PXDNL: variants seen among roughly 807,000 people sequenced by gnomAD.
PXDNL encodes probable oxidoreductase PXDNL.
In PXDNL, 145 loss-of-function variants were observed where a neutral mutation model predicts 150.8. That is an observed-to-expected ratio of 0.96 (90% confidence interval 0.84 to 1.10). PXDNL has a LOEUF of 1.10. PXDNL is among the 50% of genes least tolerant of loss of function. The pLI, the probability that PXDNL is intolerant of heterozygous loss-of-function variation, is 0.00. For missense variants in PXDNL, 2,087 were observed against 1,873.9 expected, an observed-to-expected ratio of 1.11 and a Z score of -2.10; for synonymous variants, 757 against 725.7, an observed-to-expected ratio of 1.04 and a Z score of -0.69.
chr8:51,584,896 T>A (rs535437331), intron 3 of PXDNL, among the ~76,000 whole-genome samples: 1 of 152,092 alleles, frequency 6.6e-6, no homozygotes, highest in African/African-American at 2.4e-5. Flanking sequence ...AGGGAAAGAT[T>A]TGGACAAAGA....
chr8:51,556,017 A>G (rs973752881), intron 4 of PXDNL, among the ~76,000 whole-genome samples: 1 of 152,158 alleles, frequency 6.6e-6, no homozygotes. Context: ...CATGACTATA[A>G]TCTCAGCACT....
chr8:51,414,170 G>A (rs1808730052), intron 14 of PXDNL, among the ~76,000 whole-genome samples: 1 of 151,496 alleles, frequency 6.6e-6, no homozygotes, highest in Non-Finnish European at 1.5e-5. Context: ...ACTAATATAA[G>A]CTTAAGTCAA....
chr8:51,592,584 C>A, intron 3 of PXDNL, 43 bp downstream of exon 3: 1 of 1,296,486 alleles, frequency 7.7e-7, no homozygotes, highest in South Asian at 1.4e-5. Flanking sequence ...CAAAAATAGT[C>A]AAACAACACC....
At chr8:51,376,844 G>A (rs539356433) in intron 17 of PXDNL, among the ~76,000 whole-genome samples, 5 of 151,108 alleles carry the variant, frequency 3.3e-5, no homozygotes, top group Non-Finnish European at 7.4e-5. Context: ...TCAGCCTCCC[G>A]AGTAGCTGGG....
chr8:51,733,811 TAA>T (rs1491232159), intron 1 of PXDNL, among the ~76,000 whole-genome samples: 2 of 52,892 alleles, frequency 3.8e-5, no homozygotes, highest in East Asian at 8.9e-4. Context: ...CTGTCTCAAA[TAA>T]TATATATATA....
chr8:51,586,721 G>C (rs1453037418), intron 3 of PXDNL, among the ~76,000 whole-genome samples: 5 of 152,170 alleles, frequency 3.3e-5, no homozygotes, highest in Admixed American at 1.3e-4. Flanking sequence ...AAATGCCAAT[G>C]CTAAGGATAC....
intron 6 of PXDNL, among the ~76,000 whole-genome samples, chr8:51,477,548 C>T (rs1438924101): frequency 2.0e-5 from 3 of 152,202 alleles, no homozygotes; most frequent in Admixed American, 2.0e-4. Context: ...TCTAGTTCAA[C>T]AGTATTGTGT....
At chr8:51,386,237 C>T (rs1212673889) in intron 17 of PXDNL, among the ~76,000 whole-genome samples, 1 of 151,988 alleles carries the variant, frequency 6.6e-6, no homozygotes, top group African/African-American at 2.4e-5. Context: ...GGACTACAGG[C>T]ACGTGCCACC....
chr8:51,423,363 T>A (rs912037942), intron 14 of PXDNL, among the ~76,000 whole-genome samples: 10 of 152,210 alleles, frequency 6.6e-5, no homozygotes, highest in Admixed American at 2.0e-4. Flanking sequence ...GTTCTTTTTT[T>A]AATTTGTTAT....
intron 4 of PXDNL, among the ~76,000 whole-genome samples, chr8:51,546,033 A>C (rs1304004457): frequency 3.3e-5 from 5 of 152,218 alleles, no homozygotes; most frequent in African/African-American, 1.2e-4. Flanking sequence ...ATTTGGACAG[A>C]CAGAACAGCA....
intron 4 of PXDNL, among the ~76,000 whole-genome samples, chr8:51,504,615 G>A (rs1037081280): frequency 3.3e-5 from 5 of 152,188 alleles, no homozygotes; most frequent in Admixed American, 6.5e-5. Flanking sequence ...TAATATTTGA[G>A]TGATTATGTA....
At chr8:51,398,370 A>G (rs1313877452) in intron 17 of PXDNL, among the ~76,000 whole-genome samples, 1 of 152,194 alleles carries the variant, frequency 6.6e-6, no homozygotes, top group Non-Finnish European at 1.5e-5. Flanking sequence ...GGCCCCCCAC[A>G]GTCCTGGGGA....
chr8:51,508,219 TC>T (rs1811332764), intron 4 of PXDNL, among the ~76,000 whole-genome samples: 1 of 152,180 alleles, frequency 6.6e-6, no homozygotes, highest in African/African-American at 2.4e-5. Context: ...TCGTCTCTTG[TC>T]ACAAGGAAAG....
rs566655739 is a variant in PXDNL at position 51,369,690 on chromosome 8, G to A, written c.3901+2183C>T. Among the ~76,000 whole-genome samples, 5 of 151,386 alleles carry A rather than the reference G, an allele frequency of 3.3e-5. No homozygotes were observed. In the South Asian group the frequency reaches 1.0e-3, roughly 32 times the overall value. Reference sequence around the variant, plus strand: ...CACTGTATGTTTGTATCCAGTTAAGGAGTAGATGTTTACTGCTGGCTTATT... The same window carrying A: ...CACTGTATGTTTGTATCCAGTTAAGAAGTAGATGTTTACTGCTGGCTTATT... On this transcript the variant is annotated intron_variant, in intron 19 of 22. Transcript: ENST00000356297.
rs1448206197 is a variant in PXDNL, at chr8:51,404,522, T to C, written c.3557+3545A>G. Among the ~76,000 whole-genome samples, 3 of 146,064 alleles carry C rather than the reference T, an allele frequency of 2.1e-5. 1 individual carries two copies. Among genetic ancestry groups the C allele is most frequent in the East Asian group, 1.9e-4 (1 of 5,168 alleles). On this transcript the variant is annotated intron_variant, in intron 17 of 22. Coordinates refer to ENST00000356297, the MANE Select transcript of PXDNL (RefSeq NM_144651.5). ...CCTTGAGCTAGACACAGAGTGCTGA[T>C]TGGTGTGTTTACAATCCCATAGCTA... is the stretch of plus-strand genomic sequence containing the variant.
intron 14 of PXDNL, among the ~76,000 whole-genome samples, chr8:51,421,650 G>T (rs1406933412): frequency 6.6e-6 from 1 of 152,178 alleles, no homozygotes; most frequent in Non-Finnish European, 1.5e-5. Context: ...AGTGAGCCGA[G>T]ATTGTGCCCC....
chr8:51,501,098 G>C (rs144896274), intron 4 of PXDNL, among the ~76,000 whole-genome samples: 1 of 152,216 alleles, frequency 6.6e-6, no homozygotes, highest in Admixed American at 6.5e-5. Flanking sequence ...GTGCCACACT[G>C]TACTACTCTC....
intron 1 of PXDNL, among the ~76,000 whole-genome samples, chr8:51,780,654 C>CTTTTTTTTTTTTTTTTTTTT (rs71237240): frequency 1.2e-4 from 9 of 75,158 alleles, no homozygotes; most frequent in East Asian, 3.7e-4. Flanking sequence ...CTTTTCTTTT[C>CTTTTTTTTTTTTTTTTTTTT]TTTTTTTTTT....
At chr8:51,402,677 T>C (rs937162187) in intron 17 of PXDNL, among the ~76,000 whole-genome samples, 3 of 152,212 alleles carry the variant, frequency 2.0e-5, no homozygotes, top group African/African-American at 7.2e-5. Context: ...GCTTTCAAAA[T>C]GGCCCATGGC....
Sources: gnomAD v4.1 joint callset for allele counts (sites outside exome capture counted in the v4.1 genomes callset) on GRCh38, gnomAD v4.1.1 for gene constraint, MANE v1.5 for transcripts, NCBI Gene and HGNC (gene_info 2026-07-23, HGNC 2026-07-21) for gene names.